The following FAF1 variants were observed in gnomAD, a reference collection of about 807,000 sequenced individuals.
FAF1 encodes FAS-associated factor 1.
Under a neutral mutation model 92.5 loss-of-function variants are expected in FAF1, and 25 were observed. That is an observed-to-expected ratio of 0.27 (90% CI 0.20 to 0.38). The LOEUF is 0.38. Ranked by LOEUF, FAF1 falls within the 10% of genes least tolerant of loss-of-function variation. The pLI is 1.00. For missense variants in FAF1, 636 were observed against 793.3 expected (o/e 0.80, Z 2.38); for synonymous variants, 234 against 273.2 (o/e 0.86, Z 1.42).
At chr1:50,849,063 C>A (rs1439050712) in intron 2 of FAF1, among the ~76,000 whole-genome samples, 3 of 151,980 alleles carry the variant, frequency 2.0e-5, no homozygotes, top group Non-Finnish European at 4.4e-5. Context: ...TCGAGACTAG[C>A]CTGGCCAATA....
At chr1:50,882,121 A>G (rs539313888) in intron 1 of FAF1, among the ~76,000 whole-genome samples, 1 of 152,310 alleles carries the variant, frequency 6.6e-6, no homozygotes, top group East Asian at 1.9e-4. Context: ...CATAAAATAT[A>G]TAATACACAT....
rs188645697 is a variant in FAF1 at position 50,813,259 on chromosome 1, T to A, written c.115-11582A>T. On this transcript the variant is annotated intron_variant, in intron 2 of 18. Transcript: ENST00000396153. ...GCACAGGGGAAAAATTGAAAAAAAATTTCATTTTTTAAATTATTAAACTTA... is the reference window on the plus strand; with the variant it reads ...GCACAGGGGAAAAATTGAAAAAAAAATTCATTTTTTAAATTATTAAACTTA... Among the ~76,000 whole-genome samples, 154 of 151,896 alleles carry A rather than the reference T, an allele frequency of 1.0e-3. 1 individual carries two copies. The highest frequency in any genetic ancestry group is 1.5e-3 in the Non-Finnish European group (103 of 67,928).
In FAF1 at chr1:50,438,219, T is replaced by C. The variant is rs963512871; in HGVS notation, c.*3221A>G. ...CTTCCCTCATAGCGGGAGACTATTA[T>C]GATGTGTGAAAGGTGTGTCCAATTG... On this transcript the variant is annotated 3_prime_UTR_variant, in exon 19 of 19. Coordinates refer to ENST00000396153, the MANE Select transcript of FAF1 (RefSeq NM_007051.3). 6.6e-6 allele frequency: 1 copy of C among 152,060 alleles called. No individual in the cohort carries two copies. Among genetic ancestry groups the C allele is most frequent in the African/African-American group, 2.4e-5 (1 of 41,374 alleles). The allele number at this position is 152,060 out of a possible 1,614,324, so 9.4% of individuals were successfully genotyped here. A position where few individuals can be genotyped will look rare whatever the true frequency, so the allele number is the denominator to read the frequency against.
At chr1:50,887,122 G>A (rs943473474) in intron 1 of FAF1, among the ~76,000 whole-genome samples, 7 of 152,180 alleles carry the variant, frequency 4.6e-5, no homozygotes, top group African/African-American at 1.4e-4. Context: ...GCATTTCTCT[G>A]ATGGCCAGTG....
intron 8 of FAF1, among the ~76,000 whole-genome samples, chr1:50,618,511 C>T (rs1653040907): frequency 6.7e-6 from 1 of 148,362 alleles, no homozygotes; most frequent in Non-Finnish European, 1.5e-5. Flanking sequence ...GATCAGGCTG[C>T]CTCGGCCTCC....
intron 1 of FAF1, among the ~76,000 whole-genome samples, chr1:50,953,188 A>C (rs1177735362): frequency 6.6e-6 from 1 of 152,094 alleles, no homozygotes; most frequent in Non-Finnish European, 1.5e-5. Context: ...CAGATGCTTG[A>C]AGGCAGCATG....
At chr1:50,895,271 T>C (rs190808896) in intron 1 of FAF1, among the ~76,000 whole-genome samples, 1 of 152,222 alleles carries the variant, frequency 6.6e-6, no homozygotes, top group African/African-American at 2.4e-5. Context: ...TTAGACCAAA[T>C]GTGGCAATTT....
At chr1:50,451,833 T>A in intron 18 of FAF1, 1 of 1,000,994 alleles carries the variant, frequency 1.0e-6, no homozygotes, top group Non-Finnish European at 1.2e-6. Flanking sequence ...GGATTCTTCA[T>A]TCCTAGCCTA....
intron 15 of FAF1, among the ~76,000 whole-genome samples, chr1:50,519,483 GA>G (rs748314099): frequency 1.3e-5 from 2 of 151,660 alleles, no homozygotes; most frequent in African/African-American, 2.4e-5. Context: ...AGGAAGGAAA[GA>G]AAGAAAATAG....
intron 1 of FAF1, among the ~76,000 whole-genome samples, chr1:50,951,151 C>T (rs12075888): frequency 0.086 from 13,135 of 152,256 alleles, 589 homozygotes; most frequent in African/African-American, 0.098. Flanking sequence ...GGAGAACTGC[C>T]TGAACCGGGG....
intron 17 of FAF1, among the ~76,000 whole-genome samples, chr1:50,487,557 T>C (rs1437972130): frequency 2.0e-5 from 3 of 152,186 alleles, no homozygotes; most frequent in Non-Finnish European, 2.9e-5. Flanking sequence ...CTGTTGTTTT[T>C]CCCTCAGAAT....
At chr1:50,458,697 T>A (rs549403232) in intron 18 of FAF1, among the ~76,000 whole-genome samples, 21 of 152,370 alleles carry the variant, frequency 1.4e-4, no homozygotes, top group South Asian at 1.2e-3. Context: ...AATATGTCTG[T>A]GGTTTAGCAA....
intron 4 of FAF1, among the ~76,000 whole-genome samples, chr1:50,786,080 C>T (rs1055940868): frequency 6.6e-6 from 1 of 151,546 alleles, no homozygotes; most frequent in Non-Finnish European, 1.5e-5. Flanking sequence ...TACAGTGAGC[C>T]GCGATCACGC....
At chr1:50,828,354 C>T (rs1644122168) in intron 2 of FAF1, among the ~76,000 whole-genome samples, 2 of 151,926 alleles carry the variant, frequency 1.3e-5, no homozygotes, top group South Asian at 4.2e-4. Context: ...CTGCAAGCTC[C>T]ACCTCCTGGG....
At chr1:50,804,712 T>C (rs999825993) in intron 2 of FAF1, among the ~76,000 whole-genome samples, 3 of 152,194 alleles carry the variant, frequency 2.0e-5, no homozygotes, top group African/African-American at 7.2e-5. Context: ...TGCAGTAAGT[T>C]TTTGTTTGCT....
intron 1 of FAF1, among the ~76,000 whole-genome samples, chr1:50,890,704 G>A (rs1028200016): frequency 6.6e-6 from 1 of 152,116 alleles, no homozygotes; most frequent in Admixed American, 6.6e-5. Flanking sequence ...CTCTCTTCTG[G>A]CTTGTAGAGT....
At chr1:50,646,506 A>T (rs1654594182) in intron 8 of FAF1, among the ~76,000 whole-genome samples, 1 of 152,216 alleles carries the variant, frequency 6.6e-6, no homozygotes, top group South Asian at 2.1e-4. Context: ...ATAAATGCCT[A>T]AAACACTCTT....
At chr1:50,490,441 AAGGAAGGAAGGAAGGAAG>A (rs759217771) in intron 17 of FAF1, 129 bp downstream of exon 17, 39,277 of 564,164 alleles carry the variant, frequency 0.07, 3,440 homozygotes, top group Non-Finnish European at 0.088. Flanking sequence ...GGAAGGAAGG[AAGGAAGGAAGGAAGGAAG>A]GAAAAAGAAA....
chr1:50,824,434 A>G (rs1317686586), intron 2 of FAF1, among the ~76,000 whole-genome samples: 1 of 152,114 alleles, frequency 6.6e-6, no homozygotes, highest in Non-Finnish European at 1.5e-5. Context: ...TTTCTCGCCT[A>G]TATTTCTTCT....
Sources: allele counts gnomAD v4.1 joint callset (sites outside exome capture counted in the v4.1 genomes callset), GRCh38; gene constraint gnomAD v4.1.1; transcripts MANE v1.5; gene names NCBI Gene and HGNC (gene_info 2026-07-23, HGNC 2026-07-21).